MYO3B: variants seen among roughly 807,000 people sequenced by gnomAD.
MYO3B encodes the protein myosin IIIB.
In MYO3B, 156 loss-of-function variants were observed where a neutral mutation model predicts 174.6. That is an observed-to-expected ratio of 0.89 (90% CI 0.78 to 1.02). The LOEUF is 1.02. Among genes scored for constraint, MYO3B ranks in the 50% least tolerant of loss-of-function variants. The pLI, the probability that MYO3B is intolerant of heterozygous loss-of-function variation, is 0.00. For missense variants in MYO3B, 1,632 were observed against 1,639.4 expected (o/e 1.00, Z 0.08); for synonymous variants, 563 against 569.1 (o/e 0.99, Z 0.15).
intron 22 of MYO3B, among the ~76,000 whole-genome samples, chr2:170,416,988 A>G (rs67573669): frequency 0.18 from 26,632 of 151,550 alleles, 2,972 homozygotes; most frequent in East Asian, 0.55. Flanking sequence ...ACCACACCCG[A>G]CTAATTTTTT....
At chr2:170,307,344 A>G (rs866368393) in intron 7 of MYO3B, among the ~76,000 whole-genome samples, 1 of 151,986 alleles carries the variant, frequency 6.6e-6, no homozygotes, top group East Asian at 1.9e-4. Flanking sequence ...TTAAAAAATC[A>G]TATGTACTTT....
intron 32 of MYO3B, among the ~76,000 whole-genome samples, chr2:170,620,864 G>C (rs562869145): frequency 6.6e-6 from 1 of 152,284 alleles, no homozygotes; most frequent in East Asian, 1.9e-4. Flanking sequence ...ATGATCTCTA[G>C]CCTCTCAGGG....
intron 28 of MYO3B, among the ~76,000 whole-genome samples, chr2:170,514,670 C>T (rs73975681): frequency 0.01 from 1,533 of 152,346 alleles, 38 homozygotes; most frequent in African/African-American, 0.035. Flanking sequence ...TACCCAATGT[C>T]ATCCAGCTAG....
rs1199097375 is a variant in MYO3B at position 170,543,936 on chromosome 2, T to C, written c.3681T>C (p.His1227=). 7 of 1,613,332 alleles carry C rather than the reference T, an allele frequency of 4.3e-6. No homozygotes were observed. Among genetic ancestry groups the C allele is most frequent in the Non-Finnish European group, 5.9e-6 (7 of 1,179,470 alleles). Residue 1227 remains histidine, a synonymous_variant, in exon 32 of 35, where the codon CAT becomes CAC. Coordinates refer to ENST00000408978, the MANE Select transcript of MYO3B (RefSeq NM_138995.5). ...ATTTGCTGTCTTCTCGGATATGCCA[T>C]CCTGCTCCAGATCAGCAAGGATTGA... is the stretch of plus-strand genomic sequence containing the variant. ...GTDLLSSRIC[H]PAPDQQGLSL... is the part of the protein sequence containing the mutation.
At chr2:170,305,894 A>G (rs1000391729) in intron 7 of MYO3B, among the ~76,000 whole-genome samples, 1 of 152,160 alleles carries the variant, frequency 6.6e-6, no homozygotes, top group East Asian at 1.9e-4. Flanking sequence ...GCTCTATCCC[A>G]AACCTTAGTG....
chr2:170,230,225 A>C (rs377716174), intron 6 of MYO3B, among the ~76,000 whole-genome samples: 1 of 145,292 alleles, frequency 6.9e-6, no homozygotes, highest in East Asian at 2.0e-4. Flanking sequence ...GCTGGAGTGC[A>C]GTGGAGTGAT....
At chr2:170,439,720 G>A (rs558415191) in intron 22 of MYO3B, among the ~76,000 whole-genome samples, 7 of 151,998 alleles carry the variant, frequency 4.6e-5, no homozygotes, top group South Asian at 4.2e-4. Context: ...TCGCTCTGTC[G>A]CCCAGGCTGG....
chr2:170,398,411 G>A (rs1385948989), intron 16 of MYO3B, among the ~76,000 whole-genome samples: 1 of 151,936 alleles, frequency 6.6e-6, no homozygotes, highest in African/African-American at 2.4e-5. Context: ...GGGTTTTTAC[G>A]GAGGTTCCAT....
chr2:170,529,318 A>G (rs1045977052), intron 30 of MYO3B, among the ~76,000 whole-genome samples: 6 of 151,988 alleles, frequency 3.9e-5, no homozygotes, highest in Non-Finnish European at 5.9e-5. Flanking sequence ...AAGTTTACCT[A>G]TATAACAAAC....
At chr2:170,254,938 T>C (rs193136302) in intron 7 of MYO3B, among the ~76,000 whole-genome samples, 41 of 152,248 alleles carry the variant, frequency 2.7e-4, no homozygotes, top group African/African-American at 7.7e-4. Context: ...GTGGGCCTGC[T>C]CCTGGGGCAG....
rs552986117 is a variant in MYO3B, at chr2:170,542,895, T to C, written c.3576-11T>C. 46 of 1,586,498 alleles carry C rather than the reference T, an allele frequency of 2.9e-5. No individual in the cohort carries two copies. Among genetic ancestry groups the C allele is most frequent in the Middle Eastern group, 1.7e-4 (1 of 5,982 alleles). On this transcript the variant is annotated splice_polypyrimidine_tract_variant and intron_variant, in intron 30 of 34. Coordinates refer to ENST00000408978, the MANE Select transcript of MYO3B (RefSeq NM_138995.5). ...AGTCTTTTAAAATTATTATTATTGT[T>C]ATCTTTTCAGGCATTCACAAGCCCA...
intron 22 of MYO3B, 52 bp downstream of exon 22, chr2:170,407,896 G>A: frequency 6.2e-7 from 1 of 1,607,698 alleles, no homozygotes; most frequent in Non-Finnish European, 8.5e-7. Flanking sequence ...GCAAGACCAG[G>A]TGAAATTTTC....
intron 32 of MYO3B, among the ~76,000 whole-genome samples, chr2:170,556,578 A>G (rs1691309652): frequency 6.6e-6 from 1 of 151,938 alleles, no homozygotes; most frequent in Admixed American, 6.6e-5. Context: ...CTGGAGTACA[A>G]TGGCACGATC....
intron 32 of MYO3B, among the ~76,000 whole-genome samples, chr2:170,544,262 A>C (rs1196449772): frequency 1.3e-5 from 2 of 152,218 alleles, no homozygotes; most frequent in Non-Finnish European, 2.9e-5. Flanking sequence ...CATTTTATTA[A>C]AGGGAAGATA....
intron 32 of MYO3B, among the ~76,000 whole-genome samples, chr2:170,648,658 T>C (rs1472714840): frequency 1.9e-5 from 2 of 105,282 alleles, no homozygotes; most frequent in African/African-American, 7.7e-5. Flanking sequence ...CTATATAATA[T>C]ATATTATATT....
intron 3 of MYO3B, among the ~76,000 whole-genome samples, chr2:170,211,288 A>C (rs1011341362): frequency 6.6e-6 from 1 of 152,178 alleles, no homozygotes; most frequent in Admixed American, 6.5e-5. Context: ...CAAGATACCC[A>C]AAGAGGAAAA....
At chr2:170,598,297 C>G (rs890257814) in intron 32 of MYO3B, among the ~76,000 whole-genome samples, 1 of 152,162 alleles carries the variant, frequency 6.6e-6, no homozygotes, top group African/African-American at 2.4e-5. Context: ...CTGCTTCAGC[C>G]GGCTGTTCCT....
At chr2:170,591,545 A>G (rs1424611497) in intron 32 of MYO3B, among the ~76,000 whole-genome samples, 1 of 152,112 alleles carries the variant, frequency 6.6e-6, no homozygotes, top group African/African-American at 2.4e-5. Flanking sequence ...TGGCAGGTCT[A>G]GTGTAGAAAG....
chr2:170,202,666 T>C (rs1574570463), intron 3 of MYO3B, among the ~76,000 whole-genome samples: 1 of 152,234 alleles, frequency 6.6e-6, no homozygotes, highest in East Asian at 1.9e-4. Context: ...AGTCTCTCAC[T>C]GGGATCGTAG....
Sources: gnomAD v4.1 joint callset for allele counts (sites outside exome capture counted in the v4.1 genomes callset) on GRCh38, gnomAD v4.1.1 for gene constraint, MANE v1.5 for transcripts, NCBI Gene and HGNC (gene_info 2026-07-23, HGNC 2026-07-21) for gene names.